Variants in CLSPN observed in about 807,000 individuals in gnomAD.
The protein encoded by CLSPN is claspin, also known as claspin homolog.
Under a neutral mutation model 156.3 loss-of-function variants are expected in CLSPN, and 85 were observed. The observed-to-expected ratio is 0.54, with a 90% CI of 0.46 to 0.65. The LOEUF (loss-of-function observed/expected upper bound fraction) is 0.65, where lower values mean the gene tolerates loss of function less well. CLSPN is among the 30% of genes least tolerant of loss of function. The pLI is 0.00. For synonymous variants in CLSPN, 534 were observed against 542.4 expected, an observed-to-expected ratio of 0.98 and a Z score of 0.22; for missense variants, 1,407 against 1,554.9, an observed-to-expected ratio of 0.90 and a Z score of 1.60.
intron 16 of CLSPN, 126 bp downstream of exon 16, chr1:35,745,325 G>T: frequency 3.1e-6 from 2 of 645,518 alleles, no homozygotes; most frequent in East Asian, 2.7e-5. Flanking sequence ...TTGCTTACTA[G>T]GCATATATGA....
At chr1:35,745,164 C>T (rs555050956) in intron 16 of CLSPN, among the ~76,000 whole-genome samples, 2 of 152,330 alleles carry the variant, frequency 1.3e-5, no homozygotes, top group East Asian at 1.9e-4. Flanking sequence ...AATTTCTCCA[C>T]ATTCTCACTA....
intron 1 of CLSPN, among the ~76,000 whole-genome samples, chr1:35,765,994 C>CTCTTTT (rs60908491): frequency 0.056 from 5,909 of 106,408 alleles, 430 homozygotes; most frequent in East Asian, 0.24. Flanking sequence ...CTCTCTCTCT[C>CTCTTTT]TTTTTTTTTT....
chr1:35,757,955 T>C (rs1475135430), intron 8 of CLSPN, among the ~76,000 whole-genome samples: 1 of 151,848 alleles, frequency 6.6e-6, no homozygotes, highest in Non-Finnish European at 1.5e-5. Flanking sequence ...GACATAGCAC[T>C]TGCCAACAAT....
rs188926511 is a variant in CLSPN, at chr1:35,745,385, T to C, written c.2966+66A>G. The C allele has an allele frequency of 1.9e-3, 2,092 of 1,075,020 alleles. 5 individuals carry two copies. Among genetic ancestry groups the C allele is most frequent in the Non-Finnish European group, 2.7e-3 (1,847 of 696,564 alleles). 66.6% of individuals were successfully genotyped at this position (1,075,020 alleles called of 1,614,324 possible). A position where few individuals can be genotyped will look rare whatever the true frequency, so the allele number is the denominator to read the frequency against. On this transcript the variant is annotated intron_variant, in intron 16 of 24. Coordinates refer to ENST00000318121, the MANE Select transcript of CLSPN (RefSeq NM_022111.4). ...CAGAAAAGGTGCAAAGCCCTTAAGA[T>C]GATCAGTTATTTTGATTTTATCAAA...
chr1:35,747,271 G>A (rs953169963), intron 14 of CLSPN, among the ~76,000 whole-genome samples: 5 of 151,696 alleles, frequency 3.3e-5, no homozygotes, highest in Admixed American at 6.6e-5. Context: ...GCAGTGAGCC[G>A]AGATCGCGCC....
At chr1:35,730,113 C>T (rs998638372), downstream of CLSPN, among the ~76,000 whole-genome samples, 1 of 152,184 alleles carries the variant, frequency 6.6e-6, no homozygotes, top group African/African-American at 2.4e-5. Flanking sequence ...TTTTATGTGC[C>T]AGGCATGGTG....
chr1:35,749,366 A>G, intron 12 of CLSPN, 101 bp downstream of exon 12: 1 of 1,065,052 alleles, frequency 9.4e-7, no homozygotes, highest in Non-Finnish European at 1.4e-6. Flanking sequence ...CTGGGAAGTG[A>G]CCAGATTTAA....
In CLSPN at chr1:35,734,020, C is replaced by T; in HGVS notation, c.*2476G>A. The T allele has an allele frequency of 3.0e-6, 3 of 985,348 alleles. No homozygotes were observed. In the South Asian group the frequency reaches 1.4e-4, roughly 46 times the overall value. The allele number at this position is 985,348 out of a possible 1,614,324, so 61.0% of individuals were successfully genotyped here. A position where few individuals can be genotyped will look rare whatever the true frequency, so the allele number is the denominator to read the frequency against. ...AAACAAAGAGCTATAATAGAAGGTA[C>T]CATTTATGTAAACTCAATTATCCTC... On this transcript the variant is annotated 3_prime_UTR_variant, in exon 25 of 25. Coordinates refer to ENST00000318121, the MANE Select transcript of CLSPN (RefSeq NM_022111.4).
At chr1:35,726,152 C>CAGAA (rs1641182627) in intron 24 of CLSPN, among the ~76,000 whole-genome samples, 1 of 48,190 alleles carries the variant, frequency 2.1e-5, no homozygotes, top group Admixed American at 3.7e-4. Context: ...CAGATGCAGA[C>CAGAA]AAAAAAAAAA....
intron 12 of CLSPN, 112 bp from the exon 13 acceptor site, chr1:35,748,716 C>T (rs1250913004): frequency 2.6e-6 from 2 of 780,400 alleles, no homozygotes; most frequent in East Asian, 2.6e-5. Context: ...GCAAACCCCT[C>T]AAGTTATATG....
chr1:35,746,314 A>G lies in CLSPN; in HGVS notation c.2854+452T>C, dbSNP rs570647097. 3.7e-4 allele frequency among the ~76,000 whole-genome samples: 56 copies of G among 152,332 alleles called. No homozygotes were observed. The highest frequency in any genetic ancestry group is 4.4e-5 in the Non-Finnish European group (3 of 68,026). ...AGTTCTAAATATCAGGGCACTAAGC[A>G]GTGAATTCAGTTTATACACAGATTC... On this transcript the variant is annotated intron_variant, in intron 15 of 24. Coordinates refer to ENST00000318121, the MANE Select transcript of CLSPN (RefSeq NM_022111.4). The surrounding 1 kb of genome is among the most constrained non-coding windows in gnomAD (Gnocchi z 4.2).
At chr1:35,747,071 C>T (rs1641911783) in intron 14 of CLSPN, 79 bp from the exon 15 acceptor site, 1 of 1,094,870 alleles carries the variant, frequency 9.1e-7, no homozygotes, top group Non-Finnish European at 1.4e-6. Flanking sequence ...GCCTGTAATC[C>T]CAGCACTTCG....
At chr1:35,722,769 C>G (rs1352154102) in intron 24 of CLSPN, among the ~76,000 whole-genome samples, 1 of 151,946 alleles carries the variant, frequency 6.6e-6, no homozygotes, top group Non-Finnish European at 1.5e-5. Flanking sequence ...GTAGCTGAGA[C>G]TACAGGCGTG....
In CLSPN at chr1:35,769,848, T is replaced by G; in HGVS notation, c.23A>C (p.Glu8Ala). Reference protein sequence around the residue: MTGEVGSEVHLEINDPNV... With the variant: MTGEVGSAVHLEINDPNV... Reference sequence around the variant, plus strand: ...TGGGGGGCGTGTGCATAAACTCACCTCAGAACCCACCTCGCCTGTCATGAC... The same window carrying G: ...TGGGGGGCGTGTGCATAAACTCACCGCAGAACCCACCTCGCCTGTCATGAC... The change falls in exon 1 of 25, where the codon GAG (glutamate) becomes GCG (alanine). Residue 8 changes from glutamate to alanine, a missense_variant and splice_region_variant. Physicochemically the swap from Glu to Ala is moderately radical, Grantham distance 107 (BLOSUM62 -1). Transcript: ENST00000318121. 1 of 1,607,010 alleles carries G rather than the reference T, an allele frequency of 6.2e-7. No individual in the cohort carries two copies. Among genetic ancestry groups the G allele is most frequent in the Non-Finnish European group, 8.5e-7 (1 of 1,176,578 alleles).
intron 10 of CLSPN, 69 bp from the exon 11 acceptor site, chr1:35,749,880 G>C: frequency 2.6e-6 from 4 of 1,527,458 alleles, no homozygotes; most frequent in Non-Finnish European, 3.5e-6. Context: ...TACACTGGTA[G>C]CCTGAAATAT....
At position 35,751,341 on chromosome 1, in the gene CLSPN, C is replaced by T. The variant is rs1190992748; in HGVS notation, c.1937G>A (p.Gly646Glu). Reference protein sequence around the residue: ...EEMTDESEEDGEEKVEKEEKE... With the variant: ...EEMTDESEEDEEEKVEKEEKE... ...CTCTTCTTTCTCTACCTTCTCTTCT[C>T]CATCTTCCTCAGACTCATCTGTCAT... is the stretch of plus-strand genomic sequence containing the variant. The change falls in exon 10 of 25, where the codon GGA becomes GAA. Residue 646 changes from glycine to glutamate, a missense_variant. By Grantham distance (98) the Gly-to-Glu change is moderately conservative (BLOSUM62 -2). This residue lies in a region of CLSPN where 1,096 missense variants were observed against 1,193.0 expected (regional missense o/e 0.92). Transcript: ENST00000318121. 1 of 1,595,700 alleles carries T rather than the reference C, an allele frequency of 6.3e-7. No individual in the cohort carries two copies. The highest frequency in any genetic ancestry group is 1.7e-5 in the Admixed American group (1 of 59,892).
rs1642514320 is a variant in CLSPN, at chr1:35,762,471, G to A, written c.755C>T (p.Pro252Leu). Residue 252 changes from proline (P) to leucine (L), a missense_variant, in exon 5 of 25, where the codon CCA becomes CTA. By Grantham distance (98) the Pro-to-Leu change is moderately conservative. Coordinates refer to ENST00000318121, the MANE Select transcript of CLSPN (RefSeq NM_022111.4). ...NKVKKHKKKE[P>L]SLESGVHSFE... Reference sequence around the variant, plus strand: ...TGAATGGACCCCACTCTCCAAAGATGGTTCTTTTTTCTAAAAGAAATGGCA... The same window carrying A: ...TGAATGGACCCCACTCTCCAAAGATAGTTCTTTTTTCTAAAAGAAATGGCA... The A allele has an allele frequency of 1.9e-6, 3 of 1,613,456 alleles. No individual in the cohort carries two copies. Among genetic ancestry groups the A allele is most frequent in the Non-Finnish European group, 2.5e-6 (3 of 1,179,732 alleles).
intron 24 of CLSPN, among the ~76,000 whole-genome samples, chr1:35,724,457 G>A (rs561555826): frequency 3.3e-5 from 5 of 152,280 alleles, no homozygotes; most frequent in Admixed American, 6.5e-5. Flanking sequence ...AAGGAGCTTG[G>A]GCTCCATCCT....
In CLSPN at chr1:35,732,624, C is replaced by A; in HGVS notation, c.*3872G>T. ...ATGGAACAAGGAAGAAACAAAAACA[C>A]TGACACTGAGCCTACCCTATCTCCC... On this transcript the variant is annotated 3_prime_UTR_variant, in exon 25 of 25. Coordinates refer to ENST00000318121, the MANE Select transcript of CLSPN (RefSeq NM_022111.4). The A allele has an allele frequency of 8.1e-6, 8 of 985,444 alleles. No individual in the cohort carries two copies. The highest frequency in any genetic ancestry group is 9.6e-6 in the Non-Finnish European group (8 of 829,936). 61.0% of individuals were successfully genotyped at this position (985,444 alleles called of 1,614,324 possible).
Sources: gnomAD v4.1 joint callset for allele counts (sites outside exome capture counted in the v4.1 genomes callset) on GRCh38, gnomAD v4.1.1 for gene constraint, gnomAD v4.1.1 regional missense constraint, Gnocchi (gnomAD v3.1) non-coding constraint, MANE v1.5 for transcripts, NCBI Gene and HGNC (gene_info 2026-07-23, HGNC 2026-07-21) for gene names.